Variants in FAM83B observed in about 807,000 individuals in gnomAD.
FAM83B encodes protein FAM83B.
A neutral mutation model predicts 38.8 loss-of-function variants in FAM83B; 26 were observed. That is an observed-to-expected ratio of 0.67 (90% confidence interval 0.49 to 0.93). The LOEUF (loss-of-function observed/expected upper bound fraction) is 0.93. FAM83B is among the 40% of genes least tolerant of loss of function. FAM83B has a pLI of 0.00. For synonymous variants in FAM83B, 419 were observed against 423.1 expected, an observed-to-expected ratio of 0.99 and a Z score of 0.12; for missense variants, 1,237 against 1,197.3, an observed-to-expected ratio of 1.03 and a Z score of -0.49.
intron 2 of FAM83B, among the ~76,000 whole-genome samples, chr6:54,914,329 T>C (rs1361196951): frequency 6.6e-6 from 1 of 152,204 alleles, no homozygotes; most frequent in Non-Finnish European, 1.5e-5. Context: ...CCAAGTTTCA[T>C]GACATAATAA....
At position 54,911,096 on chromosome 6, in the gene FAM83B, G is replaced by A. The variant is rs144060573; in HGVS notation, c.445-15275G>A. The stretch of plus-strand genomic sequence containing the variant: ...TTTTCTATCATTTTTCTCCTGGGGG[G>A]TACAGAGAGAGTGAGCATGAGAGGA... On this transcript the variant is annotated intron_variant, in intron 2 of 4. Coordinates refer to ENST00000306858, the MANE Select transcript of FAM83B (RefSeq NM_001010872.3). 1.2e-3 allele frequency among the ~76,000 whole-genome samples: 181 copies of A among 150,888 alleles called. 1 individual carries two copies. The highest frequency in any genetic ancestry group is 4.2e-3 in the African/African-American group (173 of 41,056).
In FAM83B at chr6:54,926,422, A is replaced by T. The variant is rs766912026; in HGVS notation, c.496A>T (p.Ile166Phe). The part of the protein sequence containing the change: ...IFTDVDIFKE[I>F]VEASTRGVSV... ...TACAGATGTGGACATTTTCAAAGAA[A>T]TCGTTGAGGCATCAACTCGAGGAGT... The change falls in exon 3 of 5, where the codon ATC becomes TTC. Residue 166 changes from isoleucine to phenylalanine, a missense_variant. Transcript: ENST00000306858. The T allele has an allele frequency of 3.1e-6, 5 of 1,609,084 alleles. No homozygotes were observed. In the South Asian group the frequency reaches 4.4e-5, roughly 14 times the overall value.
In FAM83B at chr6:54,870,351, G is replaced by A. The variant is rs781446217; in HGVS notation, c.105G>A (p.Leu35=). Reference sequence around the variant, plus strand: ...GGTATCGAGTAGCCATTGATATTCTGATTGAACACGGGTTAGAAGCATACC... The same window carrying A: ...GGTATCGAGTAGCCATTGATATTCTAATTGAACACGGGTTAGAAGCATACC... ...KEWYRVAIDI[L]IEHGLEAYQE... is the part of the protein sequence containing the mutation. Residue 35 remains leucine (L), a synonymous_variant, in exon 2 of 5, where the codon CTG becomes CTA. Transcript: ENST00000306858. The A allele has an allele frequency of 3.7e-6, 6 of 1,614,022 alleles. No individual in the cohort carries two copies. In the South Asian group the frequency reaches 6.6e-5, roughly 18 times the overall value.
At chr6:54,919,428 A>T (rs1205464552) in intron 2 of FAM83B, among the ~76,000 whole-genome samples, 3 of 152,106 alleles carry the variant, frequency 2.0e-5, no homozygotes, top group Non-Finnish European at 4.4e-5. Context: ...TTATAAATTA[A>T]TTTTGCTGTA....
intron 2 of FAM83B, among the ~76,000 whole-genome samples, chr6:54,879,381 C>T (rs916453406): frequency 1.1e-4 from 17 of 152,194 alleles, no homozygotes; most frequent in African/African-American, 3.4e-4. Context: ...ATCTACCCTG[C>T]TGAGAAGCAG....
intron 2 of FAM83B, among the ~76,000 whole-genome samples, chr6:54,920,073 C>T (rs988119601): frequency 6.6e-6 from 1 of 151,824 alleles, no homozygotes; most frequent in Non-Finnish European, 1.5e-5. Flanking sequence ...TACTATAGTG[C>T]ACACAGTATA....
intron 1 of FAM83B, among the ~76,000 whole-genome samples, chr6:54,858,905 A>AGG (rs1771508356): frequency 6.6e-6 from 1 of 152,196 alleles, no homozygotes; most frequent in East Asian, 1.9e-4. Context: ...TACAGTACTC[A>AGG]GCGCATTTCT....
chr6:54,863,090 C>G (rs1399058261), intron 1 of FAM83B, among the ~76,000 whole-genome samples: 1 of 152,110 alleles, frequency 6.6e-6, no homozygotes, highest in African/African-American at 2.4e-5. Flanking sequence ...CCTCACAGAT[C>G]TTTTGAGCGG....
intron 1 of FAM83B, among the ~76,000 whole-genome samples, chr6:54,867,565 T>A (rs940207750): frequency 1.3e-5 from 2 of 152,120 alleles, no homozygotes; most frequent in Non-Finnish European, 1.5e-5. Context: ...GGTATCTGGC[T>A]ATCGATTAGT....
rs768902704 is a variant in FAM83B at position 54,926,636 on chromosome 6, C to CA, written c.609+110dup. 1.2e-3 allele frequency: 1,072 copies of CA among 860,452 alleles called. 2 individuals carry two copies. The highest frequency in any genetic ancestry group is 9.5e-3 in the South Asian group (347 of 36,354). 53.3% of individuals were successfully genotyped at this position (860,452 alleles called of 1,614,324 possible). On this transcript the variant is annotated intron_variant, in intron 3 of 4. Transcript: ENST00000306858. ...GGTAGATGAATATAAAACTGAAAAACAAAAAAAAATACGTATTTAAGGTTA... is the reference window on the plus strand; with the variant it reads ...GGTAGATGAATATAAAACTGAAAAACAAAAAAAAAATACGTATTTAAGGTTA...
At chr6:54,846,319 G>A (rs1771132023), upstream of FAM83B, among the ~76,000 whole-genome samples, 1 of 152,224 alleles carries the variant, frequency 6.6e-6, no homozygotes, top group East Asian at 1.9e-4. Context: ...GCGGCCCCCA[G>A]GCCTCTCCTC....
In FAM83B at chr6:54,941,703, G is replaced by GA; in HGVS notation, c.2733dup (p.Pro912ThrfsTer11). 6.2e-7 allele frequency: 1 copy of GA among 1,614,084 alleles called. No homozygotes were observed. Among genetic ancestry groups the GA allele is most frequent in the East Asian group, 2.2e-5 (1 of 44,878 alleles). On this transcript the variant is annotated frameshift_variant, in exon 5 of 5. Transcript: ENST00000306858. LOFTEE classifies it high-confidence loss of function. ...AATGCAGTTGTTACCCCTGAAAGAA[G>GA]ACCTACTTCTTCTCCAAGGCCAACG...
intron 2 of FAM83B, among the ~76,000 whole-genome samples, chr6:54,925,430 G>A (rs1028576133): frequency 1.3e-5 from 2 of 152,066 alleles, no homozygotes; most frequent in Non-Finnish European, 2.9e-5. Flanking sequence ...CATAGAAGGT[G>A]GACAGCCACT....
chr6:54,913,649 A>T (rs1302914274), intron 2 of FAM83B, among the ~76,000 whole-genome samples: 1 of 152,084 alleles, frequency 6.6e-6, no homozygotes, highest in African/African-American at 2.4e-5. Context: ...AGAGAGATAA[A>T]AATAGAAAAA....
chr6:54,865,769 T>G (rs1254192421), intron 1 of FAM83B, among the ~76,000 whole-genome samples: 1 of 152,160 alleles, frequency 6.6e-6, no homozygotes, highest in Non-Finnish European at 1.5e-5. Flanking sequence ...TTCAATGAAT[T>G]CTCTCAGGTC....
chr6:54,863,155 G>C (rs1331911990), intron 1 of FAM83B, among the ~76,000 whole-genome samples: 4 of 152,062 alleles, frequency 2.6e-5, no homozygotes, highest in African/African-American at 9.7e-5. Flanking sequence ...AGAAATCCAA[G>C]TTGTTATCCT....
chr6:54,917,924 T>C (rs1271061206), intron 2 of FAM83B, among the ~76,000 whole-genome samples: 1 of 152,130 alleles, frequency 6.6e-6, no homozygotes, highest in African/African-American at 2.4e-5. Flanking sequence ...GTTTTTACTC[T>C]GAATTTTGAT....
Position 54,864,500 on chromosome 6 carries a change from G to A in FAM83B, c.-60-5687G>A, listed in dbSNP as rs188922460. ...TCTGTGACCTGCTGAATATCATGCC[G>A]TGCAGATGACTGTAATCTGTGCTAT... On this transcript the variant is annotated intron_variant, in intron 1 of 4. Transcript: ENST00000306858. 5.9e-5 allele frequency among the ~76,000 whole-genome samples: 9 copies of A among 152,250 alleles called. No homozygotes were observed. The East Asian group carries it at 9.6e-4, about 16-fold the overall frequency.
At chr6:54,896,940 A>G (rs1348025552) in intron 2 of FAM83B, among the ~76,000 whole-genome samples, 1 of 152,228 alleles carries the variant, frequency 6.6e-6, no homozygotes, top group Non-Finnish European at 1.5e-5. Flanking sequence ...ATTGAATATT[A>G]TAGTTAAGTC....
Sources: gnomAD v4.1 joint callset for allele counts (sites outside exome capture counted in the v4.1 genomes callset) on GRCh38, gnomAD v4.1.1 for gene constraint, MANE v1.5 for transcripts, NCBI Gene and HGNC (gene_info 2026-07-23, HGNC 2026-07-21) for gene names.